The following MCTP1 variants were observed in gnomAD, a reference collection of about 807,000 sequenced individuals.
The protein encoded by MCTP1 is multiple C2 and transmembrane domain containing 1, also known as multiple C2 and transmembrane domain-containing protein 1.
A neutral mutation model predicts 120.6 loss-of-function variants in MCTP1; 69 were observed. The observed-to-expected ratio is 0.57, with a 90% confidence interval of 0.47 to 0.70. The LOEUF (loss-of-function observed/expected upper bound fraction) is 0.70. MCTP1 is among the 30% of genes least tolerant of loss of function. MCTP1 has a pLI of 0.00. For synonymous variants in MCTP1, 529 were observed against 493.1 expected (o/e 1.07, Z -0.96); for missense variants, 1,203 against 1,248.8 (o/e 0.96, Z 0.55).
chr5:95,212,514 G>A (rs1752507689), intron 1 of MCTP1, among the ~76,000 whole-genome samples: 1 of 152,126 alleles, frequency 6.6e-6, no homozygotes, highest in Non-Finnish European at 1.5e-5. Flanking sequence ...CTCATTTTAT[G>A]AGGCCAGCAT....
At chr5:94,889,030 G>T in intron 11 of MCTP1, 58 bp from the exon 12 acceptor site, 1 of 1,142,346 alleles carries the variant, frequency 8.8e-7, no homozygotes, top group Non-Finnish European at 1.3e-6. Context: ...CTTAAAGAGT[G>T]TGCTGAGAAA....
At chr5:94,986,456 C>T (rs1830433287) in intron 2 of MCTP1, among the ~76,000 whole-genome samples, 1 of 152,266 alleles carries the variant, frequency 6.6e-6, no homozygotes, top group Non-Finnish European at 1.5e-5. Flanking sequence ...GATTCCCAAA[C>T]AACCAGTAGT....
intron 1 of MCTP1, among the ~76,000 whole-genome samples, chr5:95,282,515 T>C: frequency 6.6e-6 from 1 of 152,326 alleles, no homozygotes; most frequent in Middle Eastern, 3.4e-3. Context: ...ATAGTATTCA[T>C]CTATACTGAA....
At chr5:94,979,434 G>T (rs1167606888) in intron 2 of MCTP1, 1 of 152,074 alleles carries the variant, frequency 6.6e-6, no homozygotes, top group Non-Finnish European at 1.5e-5. Flanking sequence ...GTTTCTCTTG[G>T]AGAAGAGTGA....
chr5:95,175,345 G>A (rs1747838293), intron 1 of MCTP1, among the ~76,000 whole-genome samples: 1 of 152,128 alleles, frequency 6.6e-6, no homozygotes, highest in South Asian at 2.1e-4. Context: ...AAACACGCAG[G>A]AAATGGCACA....
intron 1 of MCTP1, among the ~76,000 whole-genome samples, chr5:95,163,240 C>A (rs1562195800): frequency 6.6e-6 from 1 of 152,112 alleles, no homozygotes; most frequent in African/African-American, 2.4e-5. Context: ...TGCCTCCCAG[C>A]AGGAGATCAA....
chr5:94,850,989 G>A (rs1477410579), intron 17 of MCTP1, among the ~76,000 whole-genome samples: 1 of 152,004 alleles, frequency 6.6e-6, no homozygotes, highest in Admixed American at 6.6e-5. Flanking sequence ...TAATTTAGAG[G>A]TAATATATTT....
intron 19 of MCTP1, among the ~76,000 whole-genome samples, chr5:94,723,079 G>C (rs1429682023): frequency 6.6e-6 from 1 of 152,154 alleles, no homozygotes; most frequent in Non-Finnish European, 1.5e-5. Context: ...AAAAAAACAT[G>C]TTTCAACCTG....
At chr5:94,778,995 C>T (rs1400393662) in intron 19 of MCTP1, 115 bp downstream of exon 19, 4 of 846,850 alleles carry the variant, frequency 4.7e-6, no homozygotes, top group South Asian at 1.5e-5. Context: ...ATAAACAGCA[C>T]TGTCCAATTT....
chr5:94,875,345 A>C (rs1798607771), intron 12 of MCTP1, among the ~76,000 whole-genome samples: 1 of 152,086 alleles, frequency 6.6e-6, no homozygotes. Context: ...AATATCCAGG[A>C]AGCCGGTGTG....
At chr5:95,007,402 G>A (rs760983920) in intron 2 of MCTP1, among the ~76,000 whole-genome samples, 5 of 152,116 alleles carry the variant, frequency 3.3e-5, no homozygotes, top group Non-Finnish European at 5.9e-5. Context: ...GCAGCTGCTC[G>A]TATGACCAAT....
chr5:95,074,127 G>T (rs573711453), intron 1 of MCTP1, among the ~76,000 whole-genome samples: 1 of 152,056 alleles, frequency 6.6e-6, no homozygotes. Context: ...AGAAAAAAAA[G>T]AAAAAAAATT....
intron 20 of MCTP1, among the ~76,000 whole-genome samples, chr5:94,712,580 A>G (rs1197652116): frequency 6.6e-6 from 1 of 152,166 alleles, no homozygotes; most frequent in South Asian, 2.1e-4. Context: ...TGTTTCCTAA[A>G]ATTTTTTTCT....
At chr5:94,796,561 G>T (rs921289714) in intron 18 of MCTP1, among the ~76,000 whole-genome samples, 2 of 141,622 alleles carry the variant, frequency 1.4e-5, no homozygotes, top group Non-Finnish European at 3.0e-5. Context: ...ATATATGTGT[G>T]TGTGTGTGTG....
rs532716402 is a variant in MCTP1, at chr5:95,000,221, A to G, written c.838+17146T>C. Among the ~76,000 whole-genome samples, 3 of 152,336 alleles carry G rather than the reference A, an allele frequency of 2.0e-5. No individual in the cohort carries two copies. The South Asian group carries it at 6.2e-4, about 32-fold the overall frequency. On this transcript the variant is annotated intron_variant, in intron 2 of 22. Transcript: ENST00000515393. Reference sequence around the variant, plus strand: ...GCTACGGTGCTGCCAGTTACATAAAAGACTAGCACATACAGTTATGTACAA... The same window carrying G: ...GCTACGGTGCTGCCAGTTACATAAAGGACTAGCACATACAGTTATGTACAA...
At chr5:94,841,664 A>G (rs1295234140) in intron 17 of MCTP1, among the ~76,000 whole-genome samples, 1 of 152,170 alleles carries the variant, frequency 6.6e-6, no homozygotes, top group Admixed American at 6.5e-5. Context: ...TTATGCATAT[A>G]TGTTCCCCAC....
At chr5:94,711,787 A>G (rs547079866) in intron 20 of MCTP1, among the ~76,000 whole-genome samples, 3 of 152,276 alleles carry the variant, frequency 2.0e-5, no homozygotes, top group African/African-American at 7.2e-5. Flanking sequence ...GGGAAAAGAA[A>G]AATGAAGACA....
At chr5:94,839,739 T>G (rs575430175) in intron 17 of MCTP1, among the ~76,000 whole-genome samples, 1 of 152,302 alleles carries the variant, frequency 6.6e-6, no homozygotes, top group South Asian at 2.1e-4. Context: ...GAAGCCTGGC[T>G]CTGGCACTTC....
chr5:95,007,852 A>G (rs1311546919), intron 2 of MCTP1, among the ~76,000 whole-genome samples: 2 of 152,218 alleles, frequency 1.3e-5, no homozygotes, highest in Admixed American at 1.3e-4. Context: ...CTTTAGCAAT[A>G]ACACATCAGA....
Sources: gnomAD v4.1 joint callset for allele counts (sites outside exome capture counted in the v4.1 genomes callset) on GRCh38, gnomAD v4.1.1 for gene constraint, MANE v1.5 for transcripts, NCBI Gene and HGNC (gene_info 2026-07-23, HGNC 2026-07-21) for gene names.